Variants in BAZ2B observed in about 807,000 individuals in gnomAD.
BAZ2B encodes bromodomain adjacent to zinc finger domain 2B.
BAZ2B carries 91 observed loss-of-function variants against 246.0 expected under a neutral mutation model. The ratio of observed to expected loss-of-function variants is 0.37; its 90% confidence interval spans 0.31 to 0.44. BAZ2B has a LOEUF of 0.44. Among genes scored for constraint, BAZ2B ranks in the 20% least tolerant of loss-of-function variants. The probability of loss-of-function intolerance (pLI) is 1.00; values close to 1 mark genes in which losing one functional copy is unlikely to be tolerated. For synonymous variants in BAZ2B, 855 were observed against 860.0 expected (o/e 0.99, Z 0.10); for missense variants, 2,332 against 2,533.7 (o/e 0.92, Z 1.71).
In BAZ2B at chr2:159,332,653, C is replaced by A; in HGVS notation, c.5830G>T (p.Glu1944Ter). 6.2e-7 allele frequency: 1 copy of A among 1,613,998 alleles called. No individual in the cohort carries two copies. Among genetic ancestry groups the A allele is most frequent in the Non-Finnish European group, 8.5e-7 (1 of 1,179,950 alleles). Reference sequence around the variant, plus strand: ...CAGCCATCACAAAGAAGAAGCAGTTCTTCATTATCTCCCTTTCGACAGATT... The same window carrying A: ...CAGCCATCACAAAGAAGAAGCAGTTATTCATTATCTCCCTTTCGACAGATT... ...CQICRKGDNE[E>*]LLLLCDGCDK... is the part of the protein sequence containing the mutation. Residue 1944 changes from glutamate to a stop codon, truncating the protein, a stop_gained, in exon 34 of 37, where the codon GAA (glutamate) becomes TAA (stop). Coordinates refer to ENST00000392783, the MANE Select transcript of BAZ2B (RefSeq NM_013450.4). LOFTEE classifies it high-confidence loss of function.
chr2:159,442,266 C>A (rs2073552607), intron 6 of BAZ2B, among the ~76,000 whole-genome samples: 1 of 152,032 alleles, frequency 6.6e-6, no homozygotes, highest in South Asian at 2.1e-4. Context: ...CGGGAAACAG[C>A]AAAGGAAAAA....
At chr2:159,529,765 C>T (rs866230828) in intron 2 of BAZ2B, among the ~76,000 whole-genome samples, 23 of 152,286 alleles carry the variant, frequency 1.5e-4, no homozygotes, top group South Asian at 6.2e-4. Flanking sequence ...TTATCCTTAG[C>T]ACATGCAAGT....
chr2:159,640,464 T>C, the BAZ2B span, among the ~76,000 whole-genome samples: 1 of 151,952 alleles, frequency 6.6e-6, no homozygotes, highest in Non-Finnish European at 1.5e-5. Context: ...AAACAAATCT[T>C]AAAACATTCA....
rs1424741865 is a variant in BAZ2B, at chr2:159,325,146, T to A, written c.6210-192A>T. ...ATATATATATATATATATATATATA[T>A]ATGAGATAGGGTCTTGCTCTATCGC... On this transcript the variant is annotated intron_variant, in intron 35 of 36. Coordinates refer to ENST00000392783, the MANE Select transcript of BAZ2B (RefSeq NM_013450.4). Among the ~76,000 whole-genome samples the A allele has an allele frequency of 6.1e-5, 5 of 81,790 alleles. 1 individual carries two copies. Among genetic ancestry groups the A allele is most frequent in the African/African-American group, 2.5e-4 (5 of 19,856 alleles). The allele number at this position is 81,790 out of a possible 152,430, so 53.7% of individuals were successfully genotyped here. A position where few individuals can be genotyped will look rare whatever the true frequency, so the allele number is the denominator to read the frequency against.
At chr2:159,468,577 A>C (rs1439329207) in intron 3 of BAZ2B, among the ~76,000 whole-genome samples, 2 of 152,222 alleles carry the variant, frequency 1.3e-5, no homozygotes, top group African/African-American at 4.8e-5. Context: ...CCATCAGCCA[A>C]AGAAGAATTA....
chr2:159,672,602 T>G, the BAZ2B span, among the ~76,000 whole-genome samples: 1 of 152,286 alleles, frequency 6.6e-6, no homozygotes, highest in East Asian at 1.9e-4. Flanking sequence ...ATGAGCAGCA[T>G]CTACTTTATT....
intron 18 of BAZ2B, among the ~76,000 whole-genome samples, chr2:159,397,968 C>A (rs2064308881): frequency 3.9e-5 from 6 of 151,988 alleles, no homozygotes; most frequent in Admixed American, 3.9e-4. Flanking sequence ...GGGGATGGGG[C>A]TTAAGGCAAA....
At chr2:159,467,420 TC>T (rs369851389) in intron 3 of BAZ2B, among the ~76,000 whole-genome samples, 66 of 152,056 alleles carry the variant, frequency 4.3e-4, no homozygotes, top group African/African-American at 1.3e-3. Flanking sequence ...GACGGGCCTT[TC>T]CCCCCCAGGT....
chr2:159,660,092 C>T, the BAZ2B span, among the ~76,000 whole-genome samples: 1 of 152,164 alleles, frequency 6.6e-6, no homozygotes, highest in Non-Finnish European at 1.5e-5. Context: ...AAACTCTATA[C>T]CCATTAAACA....
rs909714329 is a variant in BAZ2B, at chr2:159,432,932, T to C, written c.1725A>G (p.Val575=). 4.4e-5 allele frequency: 71 copies of C among 1,614,044 alleles called. No homozygotes were observed. Among genetic ancestry groups the C allele is most frequent in the Non-Finnish European group, 5.8e-5 (69 of 1,180,030 alleles). Residue 575 remains valine, a synonymous_variant, in exon 9 of 37, where the codon GTA becomes GTG. Coordinates refer to ENST00000392783, the MANE Select transcript of BAZ2B (RefSeq NM_013450.4). ...EKAVSNNVNP[V]KTQHHSHPAK... ...CAGGATGGGAGTGATGCTGTGTTTT[T>C]ACTGGGTTTACATTATTGCTAACTG...
intron 27 of BAZ2B, among the ~76,000 whole-genome samples, chr2:159,359,200 A>C (rs2059424272): frequency 6.6e-6 from 1 of 152,180 alleles, no homozygotes; most frequent in Admixed American, 6.5e-5. Flanking sequence ...CAAAATAGAC[A>C]GACTGGTAGC....
At chr2:159,364,328 G>A (rs751740317) in intron 27 of BAZ2B, among the ~76,000 whole-genome samples, 9 of 152,216 alleles carry the variant, frequency 5.9e-5, no homozygotes, top group East Asian at 1.9e-4. Context: ...AACGGCTTTT[G>A]GACCTTTTGC....
the BAZ2B span, among the ~76,000 whole-genome samples, chr2:159,643,061 A>T: frequency 1.3e-5 from 2 of 152,252 alleles, no homozygotes; most frequent in Non-Finnish European, 2.9e-5. Context: ...ACATTTTCAT[A>T]ATCAGCCATT....
At chr2:159,560,541 T>A (rs959621930) in intron 1 of BAZ2B, among the ~76,000 whole-genome samples, 1 of 152,140 alleles carries the variant, frequency 6.6e-6, no homozygotes, top group African/African-American at 2.4e-5. Context: ...TGTACATATT[T>A]TGGCATTTAT....
At position 159,325,678 on chromosome 2, in the gene BAZ2B, C is replaced by A; in HGVS notation, c.6184G>T (p.Asp2062Tyr). The A allele has an allele frequency of 6.3e-7, 1 of 1,591,570 alleles. No individual in the cohort carries two copies. The highest frequency in any genetic ancestry group is 1.2e-5 in the South Asian group (1 of 85,022). ...CTGCAAAGAGCTAGGTCCTTGGAGT[C>A]ATCTCTTTTAGGTTTCTTAACTGAA... ...FTSVKKPKRD[D>Y]SKDLALCSMI... is the part of the protein sequence containing the mutation. Residue 2062 changes from aspartate (D) to tyrosine (Y), a missense_variant, in exon 35 of 37, where the codon GAC (aspartate) becomes TAC (tyrosine). This residue lies in a region of BAZ2B where 210 missense variants were observed against 232.5 expected (regional missense o/e 0.90). Transcript: ENST00000392783.
chr2:159,700,221 T>G, the BAZ2B span, among the ~76,000 whole-genome samples: 2 of 152,170 alleles, frequency 1.3e-5, no homozygotes. Flanking sequence ...TGTCCCTTAT[T>G]ATAGGGAGGA....
chr2:159,353,062 A>G (rs970011177), intron 27 of BAZ2B, among the ~76,000 whole-genome samples: 1 of 152,248 alleles, frequency 6.6e-6, no homozygotes, highest in Admixed American at 6.5e-5. Context: ...AGTATTCCTT[A>G]GAGAACTTTC....
chr2:159,395,986 A>C, intron 19 of BAZ2B, 152 bp from the exon 20 acceptor site: 1 of 601,362 alleles, frequency 1.7e-6, no homozygotes, highest in Non-Finnish European at 2.8e-6. Context: ...ATATAAGACA[A>C]GAATGGCCAG....
the BAZ2B span, among the ~76,000 whole-genome samples, chr2:159,702,766 C>T: frequency 4.6e-5 from 7 of 152,268 alleles, no homozygotes; most frequent in African/African-American, 7.2e-5. Context: ...TTTGGCCAGG[C>T]GCGGTGGCTC....
Sources: gnomAD v4.1 joint callset for allele counts (sites outside exome capture counted in the v4.1 genomes callset) on GRCh38, gnomAD v4.1.1 for gene constraint, gnomAD v4.1.1 regional missense constraint, MANE v1.5 for transcripts, NCBI Gene and HGNC (gene_info 2026-07-23, HGNC 2026-07-21) for gene names.